CSMD1: variants seen among roughly 807,000 people sequenced by gnomAD.
CSMD1 encodes the protein CUB and sushi domain-containing protein 1.
Under a neutral mutation model 417.5 loss-of-function variants are expected in CSMD1, and 213 were observed. The observed-to-expected ratio is 0.51, with a 90% CI of 0.46 to 0.57. CSMD1 has a LOEUF of 0.57. Ranked by LOEUF, CSMD1 falls within the 20% of genes least tolerant of loss-of-function variation. CSMD1 has a pLI of 0.00. For missense variants in CSMD1, 6,923 were observed against 4,529.7 expected, an observed-to-expected ratio of 1.53 and a Z score of -15.17; for synonymous variants, 2,862 against 1,736.8, an observed-to-expected ratio of 1.65 and a Z score of -16.11.
At chr8:4,058,198 C>T (rs202011816) in intron 3 of CSMD1, among the ~76,000 whole-genome samples, 1 of 152,034 alleles carries the variant, frequency 6.6e-6, no homozygotes, top group South Asian at 2.1e-4. Flanking sequence ...TTTGTATCCT[C>T]TTTTATTTCA....
intron 11 of CSMD1, among the ~76,000 whole-genome samples, chr8:3,473,969 C>A (rs899076418): frequency 6.6e-6 from 1 of 152,028 alleles, no homozygotes; most frequent in Non-Finnish European, 1.5e-5. Flanking sequence ...AACATAAAAC[C>A]ATCAGATCTA....
intron 5 of CSMD1, among the ~76,000 whole-genome samples, chr8:3,812,127 T>A (rs139940033): frequency 6.6e-6 from 1 of 152,326 alleles, no homozygotes; most frequent in East Asian, 1.9e-4. Flanking sequence ...CGGGTGTCCA[T>A]ATTTGTATTC....
At chr8:3,876,955 C>G (rs1013758976) in intron 5 of CSMD1, among the ~76,000 whole-genome samples, 3 of 152,116 alleles carry the variant, frequency 2.0e-5, no homozygotes, top group African/African-American at 4.8e-5. Context: ...TTTAGAAGCA[C>G]AAGAAATAAT....
intron 12 of CSMD1, among the ~76,000 whole-genome samples, chr8:3,410,665 G>A (rs1303099341): frequency 3.3e-5 from 5 of 152,158 alleles, no homozygotes; most frequent in African/African-American, 1.2e-4. Context: ...AAATTGCCCA[G>A]TCTTGGGTAT....
intron 42 of CSMD1, chr8:3,113,320 G>A (rs1235562625): frequency 6.6e-6 from 1 of 152,240 alleles, no homozygotes; most frequent in African/African-American, 2.4e-5. Context: ...ACTCTCAGGA[G>A]CCATGGAGTA....
intron 4 of CSMD1, among the ~76,000 whole-genome samples, chr8:4,013,643 A>G (rs1465359336): frequency 1.3e-5 from 2 of 151,976 alleles, no homozygotes; most frequent in African/African-American, 4.8e-5. Context: ...ATCTATCTCC[A>G]CCCATTAAAA....
chr8:3,493,546 G>A (rs1796226789), intron 11 of CSMD1, 77 bp downstream of exon 11: 1 of 1,237,156 alleles, frequency 8.1e-7, no homozygotes. Flanking sequence ...TTACAAGCCT[G>A]TAGCAGAATC....
chr8:3,960,668 T>A (rs1812262921), intron 5 of CSMD1, among the ~76,000 whole-genome samples: 1 of 152,154 alleles, frequency 6.6e-6, no homozygotes, highest in East Asian at 1.9e-4. Context: ...CAAGAAGTTA[T>A]GATAAAACTT....
At chr8:4,964,231 C>G (rs1376611726) in intron 1 of CSMD1, among the ~76,000 whole-genome samples, 1 of 151,872 alleles carries the variant, frequency 6.6e-6, no homozygotes, top group African/African-American at 2.4e-5. Flanking sequence ...GAGTAGCAGG[C>G]AGCCAGGTAT....
intron 49 of CSMD1, among the ~76,000 whole-genome samples, chr8:3,064,049 G>A (rs147799378): frequency 0.011 from 1,662 of 152,322 alleles, 35 homozygotes; most frequent in African/African-American, 0.038. Flanking sequence ...TAGCCAATCA[G>A]TACTTTTCAA....
At chr8:4,891,417 T>A (rs1411709965) in intron 1 of CSMD1, among the ~76,000 whole-genome samples, 1 of 152,166 alleles carries the variant, frequency 6.6e-6, no homozygotes, top group Non-Finnish European at 1.5e-5. Flanking sequence ...GAGCTTTCAT[T>A]CCTCTGATAC....
intron 21 of CSMD1, 63 bp from the exon 22 acceptor site, chr8:3,348,224 TA>T: frequency 7.9e-7 from 1 of 1,270,216 alleles, no homozygotes; most frequent in Admixed American, 2.3e-5. Flanking sequence ...TTTAACAGAT[TA>T]AAAACTTTAA....
chr8:3,497,535 T>C (rs1034636345), intron 10 of CSMD1, among the ~76,000 whole-genome samples: 1 of 152,164 alleles, frequency 6.6e-6, no homozygotes, highest in African/African-American at 2.4e-5. Context: ...CTTCTAGGTA[T>C]CTGGGATTAC....
rs1323287705 is a variant in CSMD1, at chr8:3,551,591, TA to T, written c.1344+23353del. On this transcript the variant is annotated intron_variant, in intron 10 of 69. Transcript: ENST00000635120. ...TCTAATAAATATGTATATATATATA[TA>T]TATATTTTTTTTTTTTTTTTTTCTG... is the stretch of plus-strand genomic sequence containing the variant. Among the ~76,000 whole-genome samples the T allele has an allele frequency of 1.7e-3, 185 of 106,250 alleles. 1 individual carries two copies. Among genetic ancestry groups the T allele is most frequent in the South Asian group, 2.9e-3 (10 of 3,392 alleles). The allele number at this position is 106,250 out of a possible 152,430, so 69.7% of individuals were successfully genotyped here. A position where few individuals can be genotyped will look rare whatever the true frequency, so the allele number is the denominator to read the frequency against.
intron 39 of CSMD1, among the ~76,000 whole-genome samples, chr8:3,155,024 G>A (rs1380357598): frequency 6.6e-6 from 1 of 152,118 alleles, no homozygotes; most frequent in African/African-American, 2.4e-5. Flanking sequence ...ACCCTGTAAA[G>A]AATTACAGAA....
chr8:3,293,560 G>C (rs1293751196), intron 25 of CSMD1, among the ~76,000 whole-genome samples: 3 of 151,874 alleles, frequency 2.0e-5, no homozygotes, highest in Non-Finnish European at 2.9e-5. Context: ...TTCTCTTCTT[G>C]CTTCATTTCA....
At chr8:3,979,649 C>A in intron 5 of CSMD1, among the ~76,000 whole-genome samples, 1 of 152,180 alleles carries the variant, frequency 6.6e-6, no homozygotes, top group East Asian at 1.9e-4. Context: ...CTCTCCCCGC[C>A]TTGTGAAGAC....
intron 10 of CSMD1, among the ~76,000 whole-genome samples, chr8:3,511,312 T>A (rs1797057174): frequency 6.6e-6 from 1 of 151,586 alleles, no homozygotes. Flanking sequence ...CAAACCACAA[T>A]GGCATGTGTA....
intron 26 of CSMD1, among the ~76,000 whole-genome samples, chr8:3,237,826 G>A (rs188578783): frequency 0.48 from 5,084 of 10,578 alleles, 1,260 homozygotes; most frequent in Middle Eastern, 0.67. Context: ...TATACTACAA[G>A]TATAATTTTT....
Sources: allele counts gnomAD v4.1 joint callset (sites outside exome capture counted in the v4.1 genomes callset), GRCh38; gene constraint gnomAD v4.1.1; transcripts MANE v1.5; gene names NCBI Gene and HGNC (gene_info 2026-07-23, HGNC 2026-07-21).